The following TAFA2 variants were observed in gnomAD, a reference collection of about 807,000 sequenced individuals.
The protein encoded by TAFA2 is TAFA chemokine like family member 2, also known as chemokine-like protein TAFA-2.
TAFA2 carries 7 observed loss-of-function variants against 18.8 expected under a neutral mutation model. That is an observed-to-expected ratio of 0.37 (90% CI 0.21 to 0.70). The LOEUF is 0.70. Among genes scored for constraint, TAFA2 ranks in the 30% least tolerant of loss-of-function variants. The pLI, the probability that TAFA2 is intolerant of heterozygous loss-of-function variation, is 0.53. For missense variants in TAFA2, 122 were observed against 158.1 expected (o/e 0.77, Z 1.23); for synonymous variants, 60 against 54.2 (o/e 1.11, Z -0.47).
chr12:61,914,828 A>T (rs1236603835), intron 1 of TAFA2, among the ~76,000 whole-genome samples: 2 of 152,012 alleles, frequency 1.3e-5, no homozygotes, highest in African/African-American at 2.4e-5. Context: ...AGATAGGCTT[A>T]AAAAAAACCT....
intron 1 of TAFA2, among the ~76,000 whole-genome samples, chr12:61,911,495 A>G (rs184370628): frequency 6.6e-6 from 1 of 152,326 alleles, no homozygotes; most frequent in African/African-American, 2.4e-5. Flanking sequence ...AAAACTTTAA[A>G]TTAGTTTCAC....
intron 1 of TAFA2, among the ~76,000 whole-genome samples, chr12:61,875,158 T>C (rs1387999615): frequency 4.6e-5 from 7 of 152,274 alleles, no homozygotes; most frequent in Admixed American, 2.0e-4. Flanking sequence ...AATATTGTAA[T>C]GTATGTAACG....
chr12:61,991,435 C>T (rs1222201597), intron 1 of TAFA2, among the ~76,000 whole-genome samples: 1 of 152,062 alleles, frequency 6.6e-6, no homozygotes, highest in East Asian at 1.9e-4. Context: ...TATGTCATTC[C>T]TTATTCAGAA....
At chr12:61,862,048 C>G (rs1043430229) in intron 2 of TAFA2, among the ~76,000 whole-genome samples, 9 of 152,110 alleles carry the variant, frequency 5.9e-5, no homozygotes, top group African/African-American at 1.9e-4. Context: ...AACCCCAAAC[C>G]CAATGATGAC....
chr12:61,737,596 A>C (rs1156971023), intron 4 of TAFA2, among the ~76,000 whole-genome samples: 1 of 151,924 alleles, frequency 6.6e-6, no homozygotes. Flanking sequence ...ACTAAAAAAA[A>C]AAACTTAGTT....
chr12:61,817,225 G>T (rs753259800), intron 2 of TAFA2, among the ~76,000 whole-genome samples: 17 of 151,820 alleles, frequency 1.1e-4, no homozygotes, highest in Non-Finnish European at 1.9e-4. Context: ...AATCAGATGG[G>T]GAATCTTCAC....
At chr12:62,219,361 T>C (rs562092453) in intron 1 of TAFA2, among the ~76,000 whole-genome samples, 187 of 152,256 alleles carry the variant, frequency 1.2e-3, no homozygotes, top group Non-Finnish European at 4.7e-4. Context: ...CTAACACAAG[T>C]GCTTTTGGAA....
intron 1 of TAFA2, among the ~76,000 whole-genome samples, chr12:62,161,093 A>G (rs1403844001): frequency 6.6e-6 from 1 of 152,196 alleles, no homozygotes; most frequent in Non-Finnish European, 1.5e-5. Flanking sequence ...TTGGTTTTGA[A>G]CTACCCTGTG....
At chr12:62,217,823 T>G (rs903430549) in intron 1 of TAFA2, among the ~76,000 whole-genome samples, 6 of 152,294 alleles carry the variant, frequency 3.9e-5, no homozygotes, top group African/African-American at 1.4e-4. Context: ...TCTTAGAATC[T>G]TTTTTCCCAA....
chr12:61,859,186 A>G (rs1874012378), intron 2 of TAFA2, among the ~76,000 whole-genome samples: 1 of 152,212 alleles, frequency 6.6e-6, no homozygotes, highest in Non-Finnish European at 1.5e-5. Flanking sequence ...AGAAGCAGGC[A>G]CCTTCTTCAC....
chr12:61,956,348 A>C (rs1878694971), intron 1 of TAFA2, among the ~76,000 whole-genome samples: 1 of 152,030 alleles, frequency 6.6e-6, no homozygotes, highest in Admixed American at 6.6e-5. Context: ...AAAACATCTC[A>C]TTTACTTCCA....
intron 4 of TAFA2, among the ~76,000 whole-genome samples, chr12:61,732,418 G>A (rs150029380): frequency 4.6e-5 from 7 of 152,166 alleles, no homozygotes; most frequent in Non-Finnish European, 7.4e-5. Context: ...AGGCTAAACC[G>A]TAGGCAAAAG....
intron 4 of TAFA2, among the ~76,000 whole-genome samples, chr12:61,739,802 T>C (rs886496679): frequency 2.6e-5 from 4 of 152,210 alleles, no homozygotes; most frequent in East Asian, 3.9e-4. Flanking sequence ...AAATCAATCA[T>C]ATGTTGTAAT....
chr12:62,135,291 G>A (rs1870850930), intron 1 of TAFA2, among the ~76,000 whole-genome samples: 1 of 152,034 alleles, frequency 6.6e-6, no homozygotes, highest in Admixed American at 6.6e-5. Flanking sequence ...AAAGTCCAAA[G>A]TCTATTCAAG....
chr12:61,966,812 CTTCT>C (rs1879084072), intron 1 of TAFA2, among the ~76,000 whole-genome samples: 2 of 151,960 alleles, frequency 1.3e-5, no homozygotes, highest in Admixed American at 1.3e-4. Context: ...TTCTCTCTTC[CTTCT>C]TTCTAATTTT....
chr12:62,081,767 G>A (rs576839374), intron 1 of TAFA2, among the ~76,000 whole-genome samples: 1 of 152,090 alleles, frequency 6.6e-6, no homozygotes, highest in Non-Finnish European at 1.5e-5. Context: ...TTACAGGCAT[G>A]AGCCACCGCG....
intron 1 of TAFA2, among the ~76,000 whole-genome samples, chr12:62,237,270 G>T (rs1026216671): frequency 6.6e-6 from 1 of 152,220 alleles, no homozygotes; most frequent in Non-Finnish European, 1.5e-5. Flanking sequence ...CACTTTGGGA[G>T]GCCGAGGCGG....
At chr12:62,099,787 C>A (rs1288893296) in intron 1 of TAFA2, among the ~76,000 whole-genome samples, 1 of 152,134 alleles carries the variant, frequency 6.6e-6, no homozygotes, top group African/African-American at 2.4e-5. Flanking sequence ...GTATCCCCTT[C>A]ACTTTACAGA....
At chr12:61,978,762 C>A (rs1256526672) in intron 1 of TAFA2, among the ~76,000 whole-genome samples, 1 of 152,102 alleles carries the variant, frequency 6.6e-6, no homozygotes, top group Non-Finnish European at 1.5e-5. Context: ...AAGCCCCTCC[C>A]AGGCTCAAAG....
Sources: allele counts gnomAD v4.1 joint callset (sites outside exome capture counted in the v4.1 genomes callset), GRCh38; gene constraint gnomAD v4.1.1; transcripts MANE v1.5; gene names NCBI Gene and HGNC (gene_info 2026-07-23, HGNC 2026-07-21).